Variants in SMOC2 observed in about 807,000 individuals in gnomAD.
The protein encoded by SMOC2 is SPARC related modular calcium binding 2.
A neutral mutation model predicts 61.4 loss-of-function variants in SMOC2; 39 were observed. That is an observed-to-expected ratio of 0.64 (90% CI 0.49 to 0.83). The LOEUF is 0.83. Among genes scored for constraint, SMOC2 ranks in the 40% least tolerant of loss-of-function variants. SMOC2 has a pLI of 0.00. For synonymous variants in SMOC2, 247 were observed against 239.9 expected (o/e 1.03, Z -0.27); for missense variants, 556 against 592.9 (o/e 0.94, Z 0.65).
intron 1 of SMOC2, among the ~76,000 whole-genome samples, chr6:168,484,770 G>T (rs1782291091): frequency 6.6e-6 from 1 of 152,192 alleles, no homozygotes; most frequent in South Asian, 2.1e-4. Flanking sequence ...TCCTTAAAAT[G>T]AAGAAAAATA....
rs576784845 is a variant in SMOC2, at chr6:168,609,738, G to C, written c.907+1499G>C. Among the ~76,000 whole-genome samples the C allele has an allele frequency of 5.9e-5, 9 of 152,320 alleles. No individual in the cohort carries two copies. In the South Asian group the frequency reaches 1.7e-3, roughly 28 times the overall value. ...CAATAAATGTTTCCTGGTTTTGGTT[G>C]GTCTTGACCTTGTCACGTGCACTTC... On this transcript the variant is annotated intron_variant, in intron 9 of 12. Coordinates refer to ENST00000356284, the MANE Select transcript of SMOC2 (RefSeq NM_001166412.2).
chr6:168,622,395 C>T (rs1786270063), intron 9 of SMOC2, among the ~76,000 whole-genome samples: 1 of 151,746 alleles, frequency 6.6e-6, no homozygotes, highest in African/African-American at 2.4e-5. Context: ...GTTCATTGTT[C>T]AATTAAACTC....
intron 7 of SMOC2, among the ~76,000 whole-genome samples, chr6:168,569,512 T>G (rs1157357558): frequency 6.6e-6 from 1 of 152,162 alleles, no homozygotes; most frequent in Non-Finnish European, 1.5e-5. Flanking sequence ...GCAATCATGG[T>G]TCACTGCAAC....
At chr6:168,626,053 C>T (rs1786401143) in intron 9 of SMOC2, among the ~76,000 whole-genome samples, 1 of 152,248 alleles carries the variant, frequency 6.6e-6, no homozygotes, top group Non-Finnish European at 1.5e-5. Flanking sequence ...AGGCCAGCAC[C>T]TGTTTCCTCA....
At position 168,519,825 on chromosome 6, in the gene SMOC2, G is replaced by A. The variant is rs922730745; in HGVS notation, c.257-6521G>A. On this transcript the variant is annotated intron_variant, in intron 2 of 12. Coordinates refer to ENST00000356284, the MANE Select transcript of SMOC2 (RefSeq NM_001166412.2). ...AGATGGGCATGATCTGTGGTTTCTTGTATAAATATTATAAAGGCTGTCTGA... is the reference window on the plus strand; with the variant it reads ...AGATGGGCATGATCTGTGGTTTCTTATATAAATATTATAAAGGCTGTCTGA... Among the ~76,000 whole-genome samples, 26 of 152,146 alleles carry A rather than the reference G, an allele frequency of 1.7e-4. 1 individual carries two copies. The highest frequency in any genetic ancestry group is 1.6e-3 in the Admixed American group (25 of 15,286).
chr6:168,625,261 C>G lies in SMOC2; in HGVS notation c.907+17022C>G, dbSNP rs376558658. On this transcript the variant is annotated intron_variant, in intron 9 of 12. Transcript: ENST00000356284. ...AGATGCAGCTTAGGATGCTGCCCCT[C>G]GGGAAGAAAGACACTGGATCGCAGC... 1.4e-3 allele frequency among the ~76,000 whole-genome samples: 208 copies of G among 152,326 alleles called. 1 individual carries two copies. Among genetic ancestry groups the G allele is most frequent in the African/African-American group, 4.4e-3 (181 of 41,588 alleles).
chr6:168,459,805 C>CG (rs1221560709), intron 1 of SMOC2, among the ~76,000 whole-genome samples: 1 of 79,180 alleles, frequency 1.3e-5, no homozygotes, highest in African/African-American at 4.9e-5. Context: ...GGGTGAGCCC[C>CG]GGGCTGGGTG....
chr6:168,618,746 A>C (rs12194831), intron 9 of SMOC2, among the ~76,000 whole-genome samples: 9 of 151,898 alleles, frequency 5.9e-5, no homozygotes, highest in Admixed American at 2.6e-4. Flanking sequence ...CGCTCAGGAC[A>C]TCAGTAGCCC....
intron 1 of SMOC2, among the ~76,000 whole-genome samples, chr6:168,460,086 A>G (rs1303490288): frequency 7.9e-5 from 12 of 152,054 alleles, no homozygotes; most frequent in Non-Finnish European, 7.4e-5. Context: ...ACAGGATAAA[A>G]TTTGCTTTGA....
At chr6:168,492,262 C>T (rs1782486593) in intron 1 of SMOC2, among the ~76,000 whole-genome samples, 1 of 152,178 alleles carries the variant, frequency 6.6e-6, no homozygotes, top group Non-Finnish European at 1.5e-5. Context: ...CTGGCCCCAT[C>T]CTCTCCAAGA....
At chr6:168,483,684 T>G (rs1317438870) in intron 1 of SMOC2, among the ~76,000 whole-genome samples, 1 of 152,142 alleles carries the variant, frequency 6.6e-6, no homozygotes, top group Non-Finnish European at 1.5e-5. Context: ...ACTCTCACTT[T>G]GTGATTTCAA....
chr6:168,580,829 G>A (rs1235929085), intron 7 of SMOC2, among the ~76,000 whole-genome samples: 1 of 152,160 alleles, frequency 6.6e-6, no homozygotes, highest in African/African-American at 2.4e-5. Context: ...ACCATGCCTG[G>A]CCTAAAACAC....
chr6:168,621,710 AGAT>A, intron 9 of SMOC2, among the ~76,000 whole-genome samples: 1 of 151,174 alleles, frequency 6.6e-6, no homozygotes, highest in Non-Finnish European at 1.5e-5. Flanking sequence ...TAAAACCATC[AGAT>A]CTCACGATCT....
intron 9 of SMOC2, among the ~76,000 whole-genome samples, chr6:168,639,607 T>C (rs1359097297): frequency 6.6e-6 from 1 of 152,234 alleles, no homozygotes; most frequent in Non-Finnish European, 1.5e-5. Context: ...TTATTCCTTT[T>C]ATCTAACCGT....
Position 168,474,505 on chromosome 6 carries a change from G to A in SMOC2, c.84+33051G>A, listed in dbSNP as rs770545529. ...GGTGTGGTCTGGCCGCTTGGTTCTGGCCTCTCTGTCCTCTCTCTACAAGCT... is the reference window on the plus strand; with the variant it reads ...GGTGTGGTCTGGCCGCTTGGTTCTGACCTCTCTGTCCTCTCTCTACAAGCT... On this transcript the variant is annotated intron_variant, in intron 1 of 12. Coordinates refer to ENST00000356284, the MANE Select transcript of SMOC2 (RefSeq NM_001166412.2). Among the ~76,000 whole-genome samples, 19 of 152,122 alleles carry A rather than the reference G, an allele frequency of 1.2e-4. 1 individual carries two copies. Among genetic ancestry groups the A allele is most frequent in the Non-Finnish European group, 2.5e-4 (17 of 68,004 alleles).
intron 9 of SMOC2, among the ~76,000 whole-genome samples, chr6:168,641,457 T>C (rs1214276127): frequency 6.6e-6 from 1 of 152,202 alleles, no homozygotes; most frequent in South Asian, 2.1e-4. Context: ...TAATAAGTAG[T>C]TTTTAAAAAT....
rs552308195 is a variant in SMOC2, at chr6:168,630,833, C to T, written c.908-19848C>T. ...CGAGATTGCAGAGATGAAATAGACT[C>T]CAGTCTCCTATAGTGCTCCCAGGCT... On this transcript the variant is annotated intron_variant, in intron 9 of 12. Transcript: ENST00000356284. Among the ~76,000 whole-genome samples the T allele has an allele frequency of 2.1e-4, 32 of 152,300 alleles. 1 individual carries two copies. The highest frequency in any genetic ancestry group is 7.7e-4 in the African/African-American group (32 of 41,574).
rs570286840 is a variant in SMOC2 at position 168,635,265 on chromosome 6, G to A, written c.908-15416G>A. Among the ~76,000 whole-genome samples the A allele has an allele frequency of 3.3e-5, 5 of 152,282 alleles. No homozygotes were observed. The East Asian group carries it at 5.8e-4, about 18-fold the overall frequency. ...AAAGGGTGTTCACCAGACGTACGCC[G>A]GACATCGAGCAGTTTATCATCTAGC... On this transcript the variant is annotated intron_variant, in intron 9 of 12. Coordinates refer to ENST00000356284, the MANE Select transcript of SMOC2 (RefSeq NM_001166412.2).
At chr6:168,442,128 T>C (rs919414484) in intron 1 of SMOC2, among the ~76,000 whole-genome samples, 3 of 152,232 alleles carry the variant, frequency 2.0e-5, no homozygotes, top group Admixed American at 6.5e-5. Context: ...TTCACGGGCC[T>C]GAGTGTTATT....
Sources: gnomAD v4.1 joint callset for allele counts (sites outside exome capture counted in the v4.1 genomes callset) on GRCh38, gnomAD v4.1.1 for gene constraint, MANE v1.5 for transcripts, NCBI Gene and HGNC (gene_info 2026-07-23, HGNC 2026-07-21) for gene names.